CELF4: variants seen among roughly 807,000 people sequenced by gnomAD.
The protein encoded by CELF4 is CUGBP Elav-like family member 4, also known as CUG-BP- and ETR-3-like factor 4.
A neutral mutation model predicts 59.9 loss-of-function variants in CELF4; 18 were observed. That is an observed-to-expected ratio of 0.30 (90% CI 0.21 to 0.45). CELF4 has a LOEUF of 0.45. CELF4 is among the 20% of genes least tolerant of loss of function. The pLI, the probability that CELF4 is intolerant of heterozygous loss-of-function variation, is 1.00. For synonymous variants in CELF4, 261 were observed against 267.1 expected (o/e 0.98, Z 0.22); for missense variants, 456 against 689.0 (o/e 0.66, Z 3.79).
chr18:37,391,959 A>G (rs1291024872), intron 2 of CELF4, among the ~76,000 whole-genome samples: 6 of 152,176 alleles, frequency 3.9e-5, no homozygotes, highest in African/African-American at 9.7e-5. Flanking sequence ...CCAAGGCACA[A>G]TTGGTCCCAG....
intron 6 of CELF4, 80 bp downstream of exon 6, chr18:37,274,231 T>G (rs1427810019): frequency 1.9e-6 from 3 of 1,583,044 alleles, no homozygotes; most frequent in East Asian, 2.3e-5. Flanking sequence ...TAGAGTAGTA[T>G]TTTCGGTTTC....
intron 1 of CELF4, among the ~76,000 whole-genome samples, chr18:37,560,078 A>G (rs1268291157): frequency 6.6e-6 from 1 of 152,234 alleles, no homozygotes; most frequent in Non-Finnish European, 1.5e-5. Context: ...GTGAAAGTAT[A>G]CCAAGGGGGT....
intron 3 of CELF4, chr18:37,305,146 C>G (rs190852451): frequency 1.3e-5 from 2 of 152,284 alleles, no homozygotes; most frequent in African/African-American, 4.8e-5. Flanking sequence ...TTATAAAACT[C>G]GAGCCATTAA....
At chr18:37,450,801 T>C (rs891223283) in intron 2 of CELF4, among the ~76,000 whole-genome samples, 3 of 152,122 alleles carry the variant, frequency 2.0e-5, no homozygotes, top group South Asian at 2.1e-4. Context: ...CCTTGGGACG[T>C]TCCTGGGTCC....
chr18:37,408,161 C>A, intron 2 of CELF4, among the ~76,000 whole-genome samples: 1 of 152,148 alleles, frequency 6.6e-6, no homozygotes, highest in African/African-American at 2.4e-5. Flanking sequence ...CTCCTCTCTC[C>A]CATGCCAGGG....
chr18:37,333,451 T>C (rs980504969), intron 2 of CELF4, among the ~76,000 whole-genome samples: 2 of 152,058 alleles, frequency 1.3e-5, no homozygotes, highest in Middle Eastern at 3.4e-3. Context: ...TTTCCATCAC[T>C]TTTGAGGAAT....
intron 2 of CELF4, among the ~76,000 whole-genome samples, chr18:37,441,618 T>A (rs1383667153): frequency 6.6e-6 from 1 of 152,134 alleles, no homozygotes; most frequent in South Asian, 2.1e-4. Flanking sequence ...GGGACTATTA[T>A]CTTGAGTCAG....
chr18:37,483,446 G>A (rs1445821441), intron 2 of CELF4, among the ~76,000 whole-genome samples: 1 of 152,040 alleles, frequency 6.6e-6, no homozygotes, highest in Non-Finnish European at 1.5e-5. Flanking sequence ...TTTGAAGAAG[G>A]GATGGTGTTC....
At chr18:37,343,936 C>T (rs2098151482) in intron 2 of CELF4, among the ~76,000 whole-genome samples, 2 of 152,176 alleles carry the variant, frequency 1.3e-5, no homozygotes, top group African/African-American at 4.8e-5. Context: ...CCTGGCTGTT[C>T]CCTTTGCCAG....
intron 1 of CELF4, among the ~76,000 whole-genome samples, chr18:37,500,042 G>A (rs1381127230): frequency 6.6e-6 from 1 of 152,208 alleles, no homozygotes; most frequent in African/African-American, 2.4e-5. Context: ...GGGGAGCCCA[G>A]TGCCGCCCTG....
chr18:37,500,879 C>T (rs1032018596), intron 1 of CELF4, among the ~76,000 whole-genome samples: 1 of 152,258 alleles, frequency 6.6e-6, no homozygotes, highest in African/African-American at 2.4e-5. Flanking sequence ...TGAATGTACC[C>T]CAGCCCCACT....
At chr18:37,321,190 C>T (rs2097104575) in intron 3 of CELF4, among the ~76,000 whole-genome samples, 1 of 152,180 alleles carries the variant, frequency 6.6e-6, no homozygotes, top group African/African-American at 2.4e-5. Context: ...CAGCGGTGAG[C>T]CTCAAGGTGC....
chr18:37,548,946 G>A (rs2099982291), intron 1 of CELF4, among the ~76,000 whole-genome samples: 1 of 152,224 alleles, frequency 6.6e-6, no homozygotes, highest in Admixed American at 6.5e-5. Context: ...GAATGATCAG[G>A]GCCAAGCTGG....
At chr18:37,437,494 A>G (rs1310812875) in intron 2 of CELF4, among the ~76,000 whole-genome samples, 1 of 152,120 alleles carries the variant, frequency 6.6e-6, no homozygotes, top group East Asian at 1.9e-4. Flanking sequence ...GGGAGATACT[A>G]TGGAAACTGG....
intron 2 of CELF4, among the ~76,000 whole-genome samples, chr18:37,426,218 G>A (rs1338037553): frequency 6.6e-6 from 1 of 152,192 alleles, no homozygotes; most frequent in Non-Finnish European, 1.5e-5. Flanking sequence ...AACTGGGCAG[G>A]GGGAAGAATA....
intron 3 of CELF4, among the ~76,000 whole-genome samples, chr18:37,277,498 G>C (rs920473152): frequency 6.6e-6 from 1 of 152,236 alleles, no homozygotes; most frequent in Non-Finnish European, 1.5e-5. Flanking sequence ...AAAAGCTGAA[G>C]TGGGATGGGA....
chr18:37,390,503 T>G (rs1373617576), intron 2 of CELF4, among the ~76,000 whole-genome samples: 6 of 152,022 alleles, frequency 3.9e-5, no homozygotes, highest in Non-Finnish European at 8.8e-5. Flanking sequence ...CAGGGCTGGC[T>G]AAGGCATGGC....
At chr18:37,333,348 C>T (rs889244360) in intron 2 of CELF4, among the ~76,000 whole-genome samples, 9 of 151,582 alleles carry the variant, frequency 5.9e-5, no homozygotes, top group African/African-American at 1.9e-4. Flanking sequence ...TCCTCTCCCC[C>T]CTCTCCCTCT....
intron 2 of CELF4, among the ~76,000 whole-genome samples, chr18:37,428,801 G>A (rs2154598823): frequency 6.6e-6 from 1 of 152,280 alleles, no homozygotes; most frequent in African/African-American, 2.4e-5. Context: ...AAGTGTGCCT[G>A]ATCCCTCCAG....
Sources: gnomAD v4.1 joint callset for allele counts (sites outside exome capture counted in the v4.1 genomes callset) on GRCh38, gnomAD v4.1.1 for gene constraint, MANE v1.5 for transcripts, NCBI Gene and HGNC (gene_info 2026-07-23, HGNC 2026-07-21) for gene names.